FGF14: variants seen among roughly 807,000 people sequenced by gnomAD.
FGF14 encodes the protein fibroblast growth factor 14.
FGF14 carries 5 observed loss-of-function variants against 25.5 expected under a neutral mutation model. The ratio of observed to expected loss-of-function variants is 0.20; its 90% CI spans 0.10 to 0.41. The LOEUF (loss-of-function observed/expected upper bound fraction) is 0.41, where lower values mean the gene tolerates loss of function less well. Ranked by LOEUF, FGF14 falls within the 10% of genes least tolerant of loss-of-function variation. The probability of loss-of-function intolerance (pLI) is 1.00; values close to 1 mark genes in which losing one functional copy is unlikely to be tolerated. For synonymous variants in FGF14, 138 were observed against 118.3 expected (o/e 1.17, Z -1.08); for missense variants, 222 against 320.1 (o/e 0.69, Z 2.34).
intron 1 of FGF14, among the ~76,000 whole-genome samples, chr13:101,924,599 G>C (rs1265318916): frequency 6.6e-6 from 1 of 152,084 alleles, no homozygotes; most frequent in African/African-American, 2.4e-5. Context: ...GAATATTTCG[G>C]TCATAATTAT....
intron 1 of FGF14, among the ~76,000 whole-genome samples, chr13:102,254,191 T>A (rs1210962108): frequency 6.6e-6 from 1 of 152,222 alleles, no homozygotes; most frequent in Non-Finnish European, 1.5e-5. Flanking sequence ...ATAACATGGA[T>A]AGCAGCCTTT....
chr13:102,346,541 T>C (rs1309096844), intron 1 of FGF14, among the ~76,000 whole-genome samples: 2 of 152,098 alleles, frequency 1.3e-5, no homozygotes, highest in Non-Finnish European at 2.9e-5. Context: ...ATGTCATATA[T>C]GGCAGCGTAC....
intron 1 of FGF14, among the ~76,000 whole-genome samples, chr13:102,256,225 C>G (rs2052429799): frequency 6.6e-6 from 1 of 152,050 alleles, no homozygotes; most frequent in African/African-American, 2.4e-5. Flanking sequence ...AAGTAGCTAA[C>G]ATGCCAGGCA....
chr13:102,283,447 A>G (rs1297396931), intron 1 of FGF14, among the ~76,000 whole-genome samples: 2 of 152,180 alleles, frequency 1.3e-5, no homozygotes, highest in East Asian at 3.9e-4. Flanking sequence ...ATGAATGAGA[A>G]TAAGATTATG....
intron 1 of FGF14, among the ~76,000 whole-genome samples, chr13:102,008,571 T>G (rs2039922498): frequency 6.6e-6 from 1 of 152,214 alleles, no homozygotes; most frequent in Non-Finnish European, 1.5e-5. Context: ...GTAATTCCAT[T>G]GCCTTTGGGT....
chr13:101,812,630 TATATATATATATATATATATATA>T lies in FGF14; in HGVS notation c.408+56072_408+56094del, dbSNP rs1594338173. On this transcript the variant is annotated intron_variant, in intron 3 of 4. Coordinates refer to ENST00000376143, the MANE Select transcript of FGF14 (RefSeq NM_004115.4). ...TTAAAACTATATATATATATATATA[TATATATATATATATATATATATA>T]TTTTTTTTTTTTTTTTTTTTTTTTT... is the stretch of plus-strand genomic sequence containing the variant. 7.9e-4 allele frequency among the ~76,000 whole-genome samples: 9 copies of T among 11,384 alleles called. 1 individual carries two copies. Among genetic ancestry groups the T allele is most frequent in the South Asian group, 2.2e-3 (1 of 452 alleles). 7.5% of individuals were successfully genotyped at this position (11,384 alleles called of 152,430 possible). A position where few individuals can be genotyped will look rare whatever the true frequency, so the allele number is the denominator to read the frequency against.
At chr13:102,209,943 A>T (rs1566820292) in intron 1 of FGF14, among the ~76,000 whole-genome samples, 1 of 152,136 alleles carries the variant, frequency 6.6e-6, no homozygotes, top group Non-Finnish European at 1.5e-5. Context: ...CTATAAAAAT[A>T]AAAAATTAAA....
chr13:102,000,113 A>T lies in FGF14; in HGVS notation c.209-124817T>A, dbSNP rs191695597. Among the ~76,000 whole-genome samples the T allele has an allele frequency of 5.9e-3, 903 of 152,296 alleles. 12 individuals carry two copies. Among genetic ancestry groups the T allele is most frequent in the Middle Eastern group, 0.051 (15 of 294 alleles). Reference sequence around the variant, plus strand: ...GGCGGATCACGAGGTCAGGAGATCGAGACCATCCTGGCTAACACGGTAAAA... The same window carrying T: ...GGCGGATCACGAGGTCAGGAGATCGTGACCATCCTGGCTAACACGGTAAAA... On this transcript the variant is annotated intron_variant, in intron 1 of 4. Transcript: ENST00000376131.
intron 3 of FGF14, among the ~76,000 whole-genome samples, chr13:101,793,720 T>C (rs905776729): frequency 2.6e-5 from 4 of 152,068 alleles, no homozygotes; most frequent in African/African-American, 9.7e-5. Context: ...CTTCTGTCCC[T>C]CAACCTGACC....
At chr13:102,282,071 T>C (rs1020536908) in intron 1 of FGF14, among the ~76,000 whole-genome samples, 3 of 145,090 alleles carry the variant, frequency 2.1e-5, no homozygotes, top group Non-Finnish European at 3.0e-5. Flanking sequence ...TTCTTTTTTT[T>C]TTTTCTTCCT....
chr13:102,388,352 T>C (rs2058354647), intron 1 of FGF14, among the ~76,000 whole-genome samples: 2 of 152,204 alleles, frequency 1.3e-5, no homozygotes, highest in South Asian at 4.1e-4. Context: ...GTATAATGTA[T>C]GCTCAGACAA....
At chr13:101,965,046 C>T (rs35451676) in intron 1 of FGF14, among the ~76,000 whole-genome samples, 28,348 of 151,814 alleles carry the variant, frequency 0.19, 2,928 homozygotes, top group Admixed American at 0.31. Context: ...GTTCAAAATC[C>T]GCCTGGCCAA....
At chr13:101,814,729 C>T (rs2041750336) in intron 3 of FGF14, among the ~76,000 whole-genome samples, 2 of 152,076 alleles carry the variant, frequency 1.3e-5, no homozygotes, top group Non-Finnish European at 2.9e-5. Context: ...TGAGGTAAAC[C>T]TACAGGGATC....
intron 1 of FGF14, among the ~76,000 whole-genome samples, chr13:102,154,857 G>C (rs567314570): frequency 6.6e-6 from 1 of 152,120 alleles, no homozygotes; most frequent in South Asian, 2.1e-4. Context: ...GGCAGGGGTT[G>C]CAATCCTAGT....
chr13:102,228,853 A>C (rs1217973095), intron 1 of FGF14, among the ~76,000 whole-genome samples: 1 of 152,164 alleles, frequency 6.6e-6, no homozygotes, highest in Non-Finnish European at 1.5e-5. Context: ...CTGAATATTA[A>C]AATATAAAAC....
intron 1 of FGF14, among the ~76,000 whole-genome samples, chr13:102,369,154 G>C (rs2057802261): frequency 6.6e-6 from 1 of 152,122 alleles, no homozygotes; most frequent in Non-Finnish European, 1.5e-5. Flanking sequence ...CTAGAACACT[G>C]GCTGATGTCC....
At chr13:102,239,989 A>G (rs2051514695) in intron 1 of FGF14, among the ~76,000 whole-genome samples, 1 of 152,182 alleles carries the variant, frequency 6.6e-6, no homozygotes, top group African/African-American at 2.4e-5. Flanking sequence ...TTTTGTTCTG[A>G]TTGGGGAAAG....
intron 1 of FGF14, among the ~76,000 whole-genome samples, chr13:102,238,439 A>G (rs1319191106): frequency 2.0e-5 from 3 of 152,204 alleles, no homozygotes; most frequent in Non-Finnish European, 4.4e-5. Context: ...GAAGATACAC[A>G]TTTCATCAGC....
chr13:102,397,517 A>G (rs887957398), intron 1 of FGF14, among the ~76,000 whole-genome samples: 1 of 152,224 alleles, frequency 6.6e-6, no homozygotes. Flanking sequence ...TTTGTACTCA[A>G]TAAAATCCTC....
Sources: allele counts gnomAD v4.1 joint callset (sites outside exome capture counted in the v4.1 genomes callset), GRCh38; gene constraint gnomAD v4.1.1; transcripts MANE v1.5; gene names NCBI Gene and HGNC (gene_info 2026-07-23, HGNC 2026-07-21).